The following NXPH1 variants were observed in gnomAD, a reference collection of about 807,000 sequenced individuals.
NXPH1 encodes the protein neurexophilin 1, also known as neurexophilin-1.
Under a neutral mutation model 23.7 loss-of-function variants are expected in NXPH1, and 5 were observed. That is an observed-to-expected ratio of 0.21 (90% CI 0.11 to 0.44). The LOEUF is 0.44. Among genes scored for constraint, NXPH1 ranks in the 20% least tolerant of loss-of-function variants. The pLI, the probability that NXPH1 is intolerant of heterozygous loss-of-function variation, is 0.99. For missense variants in NXPH1, 324 were observed against 321.6 expected (o/e 1.01, Z -0.06); for synonymous variants, 144 against 122.2 (o/e 1.18, Z -1.18).
intron 2 of NXPH1, among the ~76,000 whole-genome samples, chr7:8,636,176 C>T (rs986009480): frequency 6.6e-6 from 1 of 152,140 alleles, no homozygotes; most frequent in Admixed American, 6.5e-5. Flanking sequence ...ACTCAGGAGA[C>T]TCTTTCACTC....
chr7:8,723,124 T>A (rs1438010332), intron 2 of NXPH1, among the ~76,000 whole-genome samples: 2 of 152,246 alleles, frequency 1.3e-5, no homozygotes, highest in Non-Finnish European at 2.9e-5. Context: ...TTGCTTCGCA[T>A]TTTAAAAACC....
intron 2 of NXPH1, among the ~76,000 whole-genome samples, chr7:8,697,172 A>T (rs965739269): frequency 6.6e-6 from 1 of 151,486 alleles, no homozygotes; most frequent in Non-Finnish European, 1.5e-5. Context: ...AAAAAAAAAA[A>T]AAAAAAAAGT....
In NXPH1 at chr7:8,750,990, T is replaced by A. The variant is rs1191553412; in HGVS notation, c.55-18T>A. 1 of 1,610,936 alleles carries A rather than the reference T, an allele frequency of 6.2e-7. No individual in the cohort carries two copies. The highest frequency in any genetic ancestry group is 1.1e-5 in the South Asian group (1 of 90,976). On this transcript the variant is annotated intron_variant, in intron 2 of 2. Coordinates refer to ENST00000405863, the MANE Select transcript of NXPH1 (RefSeq NM_152745.3). The stretch of plus-strand genomic sequence containing the variant: ...CAGATGCAGAGATGTAAATGCCATT[T>A]TTCTCTTCTGTTTTCAGGTCACATG...
chr7:8,748,881 T>C, intron 2 of NXPH1, among the ~76,000 whole-genome samples: 1 of 152,220 alleles, frequency 6.6e-6, no homozygotes. Flanking sequence ...CTTCAGCTGG[T>C]ATTCTTTCTG....
intron 2 of NXPH1, among the ~76,000 whole-genome samples, chr7:8,510,829 A>C (rs912696354): frequency 2.0e-5 from 3 of 152,104 alleles, no homozygotes; most frequent in African/African-American, 7.2e-5. Flanking sequence ...GCCACTCTAC[A>C]CTGAAAGTAT....
At chr7:8,521,668 A>T (rs758541114) in intron 2 of NXPH1, among the ~76,000 whole-genome samples, 65 of 152,208 alleles carry the variant, frequency 4.3e-4, no homozygotes, top group Non-Finnish European at 5.3e-4. Flanking sequence ...CAATTGAGAT[A>T]TAGGAGTTTT....
At chr7:8,609,242 T>C (rs975979932) in intron 2 of NXPH1, among the ~76,000 whole-genome samples, 1 of 152,186 alleles carries the variant, frequency 6.6e-6, no homozygotes, top group African/African-American at 2.4e-5. Flanking sequence ...TCAATACATG[T>C]AAGCAAATAA....
At chr7:8,560,257 C>T (rs776443881) in intron 2 of NXPH1, among the ~76,000 whole-genome samples, 1 of 151,682 alleles carries the variant, frequency 6.6e-6, no homozygotes, top group South Asian at 2.1e-4. Context: ...ACCCAACCTT[C>T]TCATACTATA....
chr7:8,554,806 T>C (rs2128620062), intron 2 of NXPH1, among the ~76,000 whole-genome samples: 1 of 151,828 alleles, frequency 6.6e-6, no homozygotes, highest in African/African-American at 2.4e-5. Context: ...TAACAGTATG[T>C]GAAACAAGAC....
chr7:8,742,017 C>A (rs1318023839), intron 2 of NXPH1, among the ~76,000 whole-genome samples: 1 of 152,104 alleles, frequency 6.6e-6, no homozygotes, highest in Non-Finnish European at 1.5e-5. Flanking sequence ...AGCTGCCTAC[C>A]TTTCTCTAAA....
chr7:8,458,531 G>T (rs1300664550), intron 2 of NXPH1, among the ~76,000 whole-genome samples: 1 of 152,166 alleles, frequency 6.6e-6, no homozygotes, highest in Non-Finnish European at 1.5e-5. Flanking sequence ...AAAGAGTGAT[G>T]AAGTGACTAA....
intron 2 of NXPH1, among the ~76,000 whole-genome samples, chr7:8,523,169 C>G (rs754717932): frequency 2.6e-5 from 4 of 152,174 alleles, no homozygotes; most frequent in Admixed American, 6.5e-5. Context: ...CCAGTACTTC[C>G]TTTGACTGCA....
chr7:8,505,449 C>T (rs990558632), intron 2 of NXPH1, among the ~76,000 whole-genome samples: 1 of 151,966 alleles, frequency 6.6e-6, no homozygotes, highest in East Asian at 1.9e-4. Context: ...CATGAGAATA[C>T]CTATGCCTAG....
intron 2 of NXPH1, among the ~76,000 whole-genome samples, chr7:8,642,706 T>A (rs1820337208): frequency 6.6e-6 from 1 of 152,194 alleles, no homozygotes; most frequent in Non-Finnish European, 1.5e-5. Context: ...ATTTTCATAT[T>A]CCTTATTTTT....
At chr7:8,596,334 A>G (rs969970703) in intron 2 of NXPH1, among the ~76,000 whole-genome samples, 2 of 152,104 alleles carry the variant, frequency 1.3e-5, no homozygotes, top group Non-Finnish European at 2.9e-5. Context: ...TCAGAATTAG[A>G]GTTTGGAAAG....
chr7:8,536,176 A>G (rs917385544), intron 2 of NXPH1, among the ~76,000 whole-genome samples: 7 of 151,988 alleles, frequency 4.6e-5, no homozygotes, highest in African/African-American at 1.7e-4. Flanking sequence ...TCTTTCTTCT[A>G]TCCTTGTGGA....
At chr7:8,660,892 A>G (rs1820659049) in intron 2 of NXPH1, among the ~76,000 whole-genome samples, 1 of 151,932 alleles carries the variant, frequency 6.6e-6, no homozygotes, top group Admixed American at 6.6e-5. Context: ...AAAATGGTTA[A>G]TTTCACAAAT....
At chr7:8,553,491 C>T (rs1342674734) in intron 2 of NXPH1, among the ~76,000 whole-genome samples, 1 of 151,454 alleles carries the variant, frequency 6.6e-6, no homozygotes, top group African/African-American at 2.4e-5. Flanking sequence ...ATAGTCTTGA[C>T]TTGAAGCCTA....
At chr7:8,483,595 C>T (rs1817110125) in intron 2 of NXPH1, among the ~76,000 whole-genome samples, 1 of 152,082 alleles carries the variant, frequency 6.6e-6, no homozygotes, top group Admixed American at 6.6e-5. Flanking sequence ...AGGCGTGCAC[C>T]ACCACACCTG....
Sources: allele counts gnomAD v4.1 joint callset (sites outside exome capture counted in the v4.1 genomes callset), GRCh38; gene constraint gnomAD v4.1.1; transcripts MANE v1.5; gene names NCBI Gene and HGNC (gene_info 2026-07-23, HGNC 2026-07-21).